RAB38: variants seen among roughly 807,000 people sequenced by gnomAD.
RAB38 encodes RAB38, member RAS oncogene family.
A neutral mutation model predicts 18.4 loss-of-function variants in RAB38; 15 were observed. The observed-to-expected ratio is 0.82, with a 90% CI of 0.55 to 1.26. The LOEUF (loss-of-function observed/expected upper bound fraction) is 1.26. Among genes scored for constraint, RAB38 ranks in the 50% most tolerant of loss-of-function variants. RAB38 has a pLI of 0.00. For synonymous variants in RAB38, 101 were observed against 104.4 expected (o/e 0.97, Z 0.20); for missense variants, 294 against 267.4 (o/e 1.10, Z -0.69).
At chr11:88,003,853 ATTATATAAATATAATTATATATTTAT>A in the RAB38 span, among the ~76,000 whole-genome samples, 89 of 4,954 alleles carry the variant, frequency 0.018, 11 homozygotes, top group African/African-American at 0.044. Flanking sequence ...TATATATATA[ATTATATAAATATAATTATATATTTAT>A]ATATATAATT....
At chr11:87,933,982 G>A in the RAB38 span, among the ~76,000 whole-genome samples, 24 of 152,078 alleles carry the variant, frequency 1.6e-4, no homozygotes, top group African/African-American at 5.6e-4. Context: ...CGTCTGGGTA[G>A]GGTGGTCCTT....
chr11:87,922,028 GT>G, the RAB38 span, among the ~76,000 whole-genome samples: 11 of 151,956 alleles, frequency 7.2e-5, no homozygotes, highest in Non-Finnish European at 1.5e-4. Context: ...TGTACCCTTT[GT>G]TCTGAAGAGA....
chr11:88,026,338 C>T, the RAB38 span, among the ~76,000 whole-genome samples: 4 of 151,430 alleles, frequency 2.6e-5, no homozygotes, highest in East Asian at 2.0e-4. Flanking sequence ...CCGAAGCTGG[C>T]GGATCACGAG....
intron 2 of RAB38, 43 bp downstream of exon 2, chr11:88,149,632 T>C (rs1683373440): frequency 6.4e-7 from 1 of 1,554,884 alleles, no homozygotes; most frequent in Non-Finnish European, 8.7e-7. Flanking sequence ...ATTTTCTTTG[T>C]GAACCTTGCT....
At chr11:87,946,276 G>A in the RAB38 span, among the ~76,000 whole-genome samples, 8 of 152,182 alleles carry the variant, frequency 5.3e-5, no homozygotes, top group African/African-American at 1.4e-4. Context: ...TTGATGATAC[G>A]CTGTCACCTC....
the RAB38 span, among the ~76,000 whole-genome samples, chr11:87,938,297 C>CT: frequency 1.3e-5 from 2 of 152,016 alleles, no homozygotes; most frequent in African/African-American, 4.8e-5. Context: ...ACTAGGTTGT[C>CT]TTTGACACCA....
chr11:88,112,954 GTTGA>G (rs1374517042), downstream of RAB38, among the ~76,000 whole-genome samples: 5 of 152,136 alleles, frequency 3.3e-5, no homozygotes, highest in Non-Finnish European at 4.4e-5. Flanking sequence ...TTCTTTTTAT[GTTGA>G]TTGATCTGGC....
chr11:87,865,301 G>C, the RAB38 span, among the ~76,000 whole-genome samples: 2 of 151,662 alleles, frequency 1.3e-5, no homozygotes, highest in African/African-American at 4.8e-5. Flanking sequence ...GATTATCCAG[G>C]TGGTCTCCAG....
At chr11:87,838,441 C>T in the RAB38 span, among the ~76,000 whole-genome samples, 1 of 152,136 alleles carries the variant, frequency 6.6e-6, no homozygotes, top group African/African-American at 2.4e-5. Context: ...ATGCAACAAC[C>T]AGCCTCAGGA....
chr11:88,079,264 G>A, the RAB38 span, among the ~76,000 whole-genome samples: 2 of 151,566 alleles, frequency 1.3e-5, no homozygotes, highest in African/African-American at 4.8e-5. Flanking sequence ...AAGTCCAACA[G>A]ACATTATCAG....
the RAB38 span, among the ~76,000 whole-genome samples, chr11:87,836,344 A>T: frequency 2.0e-5 from 3 of 152,134 alleles, no homozygotes; most frequent in African/African-American, 4.8e-5. Flanking sequence ...TTTTCTGGCA[A>T]ATAAAAGTTC....
the RAB38 span, among the ~76,000 whole-genome samples, chr11:88,006,988 T>C: frequency 1.3e-5 from 2 of 151,788 alleles, no homozygotes; most frequent in African/African-American, 4.8e-5. Context: ...GAGAGGTTTT[T>C]GAATCTCACA....
At chr11:87,898,849 T>C in the RAB38 span, among the ~76,000 whole-genome samples, 1 of 151,544 alleles carries the variant, frequency 6.6e-6, no homozygotes. Context: ...GTGCCAAAAA[T>C]GTGTCCATAA....
chr11:88,111,860 C>T (rs1018537200), downstream of RAB38, among the ~76,000 whole-genome samples: 1 of 152,190 alleles, frequency 6.6e-6, no homozygotes, highest in Non-Finnish European at 1.5e-5. Flanking sequence ...GGCAGATTCT[C>T]CGGCCTTTCA....
chr11:88,153,729 T>C (rs868376728), intron 1 of RAB38, among the ~76,000 whole-genome samples: 26 of 152,248 alleles, frequency 1.7e-4, no homozygotes, highest in African/African-American at 6.0e-4. Flanking sequence ...CTTTATTGTG[T>C]TGTTTTTGTG....
the RAB38 span, among the ~76,000 whole-genome samples, chr11:88,092,353 A>G: frequency 1.3e-3 from 4 of 2,970 alleles, no homozygotes; most frequent in Non-Finnish European, 2.1e-3. Context: ...AGAGGGAGGG[A>G]GAGAGAGAGA....
intron 2 of RAB38, among the ~76,000 whole-genome samples, chr11:88,134,216 C>A (rs1208377803): frequency 1.3e-5 from 2 of 152,058 alleles, no homozygotes; most frequent in African/African-American, 4.8e-5. Flanking sequence ...CTCAGGACCC[C>A]ATTCAAAAAC....
At chr11:87,871,509 C>G in the RAB38 span, among the ~76,000 whole-genome samples, 2 of 151,454 alleles carry the variant, frequency 1.3e-5, no homozygotes, top group Non-Finnish European at 3.0e-5. Context: ...TTAGTGCTTT[C>G]CAGTTAAAAG....
the RAB38 span, among the ~76,000 whole-genome samples, chr11:88,056,241 C>A: frequency 1.3e-5 from 2 of 152,098 alleles, no homozygotes. Flanking sequence ...ATTACAGATA[C>A]AAAGGTGACT....
Sources: gnomAD v4.1 joint callset for allele counts (sites outside exome capture counted in the v4.1 genomes callset) on GRCh38, gnomAD v4.1.1 for gene constraint, MANE v1.5 for transcripts, NCBI Gene and HGNC (gene_info 2026-07-23, HGNC 2026-07-21) for gene names.